Variants in UNC13C observed in about 807,000 individuals in gnomAD.
UNC13C encodes the protein unc-13 homolog C, also known as protein unc-13 homolog C.
UNC13C carries 174 observed loss-of-function variants against 245.4 expected under a neutral mutation model. That is an observed-to-expected ratio of 0.71 (90% CI 0.63 to 0.80). UNC13C has a LOEUF of 0.80. UNC13C is among the 30% of genes least tolerant of loss of function. The probability of loss-of-function intolerance (pLI) is 0.00; values close to 1 mark genes in which losing one functional copy is unlikely to be tolerated. For synonymous variants in UNC13C, 992 were observed against 895.1 expected (o/e 1.11, Z -1.93); for missense variants, 2,829 against 2,602.9 (o/e 1.09, Z -1.89).
At chr15:53,960,436 C>T in the UNC13C span, among the ~76,000 whole-genome samples, 1 of 149,978 alleles carries the variant, frequency 6.7e-6, no homozygotes, top group East Asian at 2.0e-4. Flanking sequence ...TATTCTTTGT[C>T]TTGTTCAAAG....
At chr15:54,543,018 T>C (rs1896315443) in intron 26 of UNC13C, among the ~76,000 whole-genome samples, 1 of 152,176 alleles carries the variant, frequency 6.6e-6, no homozygotes, top group Admixed American at 6.6e-5. Context: ...AATATTGTTA[T>C]GTGTGAATTT....
At chr15:54,040,550 A>T (rs1896767815) in intron 2 of UNC13C, among the ~76,000 whole-genome samples, 1 of 152,168 alleles carries the variant, frequency 6.6e-6, no homozygotes, top group African/African-American at 2.4e-5. Context: ...TCTCTGTGTT[A>T]TCCTACACAG....
At chr15:54,134,948 G>C (rs1025351346) in intron 2 of UNC13C, among the ~76,000 whole-genome samples, 3 of 152,096 alleles carry the variant, frequency 2.0e-5, no homozygotes, top group Non-Finnish European at 4.4e-5. Flanking sequence ...ATGTACAAGA[G>C]TTCCTTTTTG....
At chr15:54,583,437 G>A (rs1898300683) in intron 30 of UNC13C, among the ~76,000 whole-genome samples, 1 of 152,062 alleles carries the variant, frequency 6.6e-6, no homozygotes, top group Admixed American at 6.6e-5. Context: ...TCACACCTGA[G>A]GTAAAGGGCT....
intron 18 of UNC13C, among the ~76,000 whole-genome samples, chr15:54,402,832 A>C (rs894501967): frequency 6.6e-6 from 1 of 152,246 alleles, no homozygotes; most frequent in Non-Finnish European, 1.5e-5. Context: ...GATGGTGAGC[A>C]TTAATCCTTC....
At chr15:54,005,611 T>A (rs1445700016) in intron 1 of UNC13C, among the ~76,000 whole-genome samples, 1 of 152,170 alleles carries the variant, frequency 6.6e-6, no homozygotes, top group Non-Finnish European at 1.5e-5. Flanking sequence ...CTTAGAAGAA[T>A]AATTAAGGAC....
At position 54,595,050 on chromosome 15, in the gene UNC13C, C is replaced by T. The variant is rs72740028; in HGVS notation, c.6106+27103C>T. Among the ~76,000 whole-genome samples, 412 of 152,234 alleles carry T rather than the reference C, an allele frequency of 2.7e-3. 4 individuals carry two copies. The highest frequency in any genetic ancestry group is 6.8e-3 in the Middle Eastern group (2 of 294). On this transcript the variant is annotated intron_variant, in intron 30 of 32. Coordinates refer to ENST00000260323, the MANE Select transcript of UNC13C (RefSeq NM_001080534.3). Reference sequence around the variant, plus strand: ...AGTGAAGGAGAATTTGTGAGTCATTCGATAAGATGTATAGCAGTGGTGGTT... The same window carrying T: ...AGTGAAGGAGAATTTGTGAGTCATTTGATAAGATGTATAGCAGTGGTGGTT...
chr15:54,327,518 T>G (rs1190652681), intron 14 of UNC13C, among the ~76,000 whole-genome samples: 1 of 152,102 alleles, frequency 6.6e-6, no homozygotes, highest in Non-Finnish European at 1.5e-5. Flanking sequence ...CAATTATTTT[T>G]TTCATATGTG....
chr15:53,857,567 A>G, the UNC13C span, among the ~76,000 whole-genome samples: 1 of 152,192 alleles, frequency 6.6e-6, no homozygotes, highest in Non-Finnish European at 1.5e-5. Context: ...GAGCTTTAGC[A>G]AATTATTATT....
upstream of UNC13C, among the ~76,000 whole-genome samples, chr15:53,976,475 C>CTTTTTTTTTTTTTTTT (rs879775519): frequency 3.9e-4 from 25 of 63,720 alleles, no homozygotes; most frequent in South Asian, 8.1e-4. Context: ...CTCTCTCTCT[C>CTTTTTTTTTTTTTTTT]TCTTTTTTTT....
chr15:54,381,316 T>C (rs1406332899), intron 17 of UNC13C, among the ~76,000 whole-genome samples: 2 of 152,200 alleles, frequency 1.3e-5, no homozygotes, highest in Non-Finnish European at 2.9e-5. Flanking sequence ...GTGTGTCTGC[T>C]TTTATATTAG....
At chr15:54,446,698 A>G (rs910186052) in intron 19 of UNC13C, among the ~76,000 whole-genome samples, 2 of 152,198 alleles carry the variant, frequency 1.3e-5, no homozygotes, top group East Asian at 1.9e-4. Flanking sequence ...GGGCTGAGAT[A>G]ATGGGGTTTT....
In UNC13C at chr15:54,338,507, T is replaced by A; in HGVS notation, c.4713+18T>A. 1.2e-6 allele frequency: 2 copies of A among 1,608,938 alleles called. No homozygotes were observed. The highest frequency in any genetic ancestry group is 2.2e-5 in the South Asian group (2 of 90,718). ...CAGACCCGGTAAGAAAATATGTATG[T>A]CTTTTATAATCGCCACTTTTGTTTC... On this transcript the variant is annotated intron_variant, in intron 17 of 32. Coordinates refer to ENST00000260323, the MANE Select transcript of UNC13C (RefSeq NM_001080534.3).
chr15:54,326,692 A>T (rs1433290406), intron 14 of UNC13C, among the ~76,000 whole-genome samples: 3 of 151,996 alleles, frequency 2.0e-5, no homozygotes, highest in Admixed American at 2.0e-4. Flanking sequence ...ACAGGCAGAG[A>T]CAGAGGATTG....
intron 4 of UNC13C, among the ~76,000 whole-genome samples, chr15:54,233,622 T>C (rs1169101237): frequency 6.6e-6 from 1 of 152,184 alleles, no homozygotes; most frequent in African/African-American, 2.4e-5. Flanking sequence ...ACCATGTTAG[T>C]AGTAGTGGAT....
chr15:54,176,453 C>A (rs753923764), intron 4 of UNC13C, among the ~76,000 whole-genome samples: 19 of 152,136 alleles, frequency 1.2e-4, no homozygotes, highest in Admixed American at 2.6e-4. Flanking sequence ...GCCCTGTAAT[C>A]TACAGTTACC....
At chr15:53,844,040 A>G in the UNC13C span, among the ~76,000 whole-genome samples, 1 of 152,204 alleles carries the variant, frequency 6.6e-6, no homozygotes, top group Non-Finnish European at 1.5e-5. Flanking sequence ...GAGATGTGAC[A>G]TATAAAAAGG....
intron 4 of UNC13C, among the ~76,000 whole-genome samples, chr15:54,150,162 G>A (rs1469817829): frequency 1.3e-5 from 2 of 152,094 alleles, no homozygotes; most frequent in African/African-American, 4.8e-5. Flanking sequence ...TATCAGTTCT[G>A]TAGCTTATAT....
intron 10 of UNC13C, among the ~76,000 whole-genome samples, chr15:54,272,702 T>C (rs923227403): frequency 6.6e-6 from 1 of 152,204 alleles, no homozygotes; most frequent in Non-Finnish European, 1.5e-5. Context: ...ATTCTACTGT[T>C]CGCTTGCTAA....
Sources: gnomAD v4.1 joint callset for allele counts (sites outside exome capture counted in the v4.1 genomes callset) on GRCh38, gnomAD v4.1.1 for gene constraint, MANE v1.5 for transcripts, NCBI Gene and HGNC (gene_info 2026-07-23, HGNC 2026-07-21) for gene names.